The following RARB variants were observed in gnomAD, a reference collection of about 807,000 sequenced individuals.
RARB encodes the protein HBV-activated protein.
RARB carries 17 observed loss-of-function variants against 51.9 expected under a neutral mutation model. The observed-to-expected ratio is 0.33, with a 90% CI of 0.22 to 0.49. The LOEUF (loss-of-function observed/expected upper bound fraction) is 0.49, where lower values mean the gene tolerates loss of function less well. RARB is among the 20% of genes least tolerant of loss of function. The pLI is 0.99. For synonymous variants in RARB, 215 were observed against 195.4 expected (o/e 1.10, Z -0.84); for missense variants, 369 against 550.8 (o/e 0.67, Z 3.30).
At chr3:25,286,608 C>T (rs370146602) in intron 5 of RARB, among the ~76,000 whole-genome samples, 18 of 152,192 alleles carry the variant, frequency 1.2e-4, no homozygotes, top group African/African-American at 4.3e-4. Context: ...GTCTCACCTC[C>T]TTACTCCTCC....
At chr3:25,182,675 G>A (rs1363574593) in intron 5 of RARB, among the ~76,000 whole-genome samples, 2 of 152,104 alleles carry the variant, frequency 1.3e-5, no homozygotes, top group Non-Finnish European at 2.9e-5. Context: ...GTGGTGTCAG[G>A]TTCTATCTCC....
chr3:24,859,560 C>G (rs1702702908), intron 2 of RARB, among the ~76,000 whole-genome samples: 1 of 152,148 alleles, frequency 6.6e-6, no homozygotes, highest in African/African-American at 2.4e-5. Flanking sequence ...GGTAATCTTT[C>G]TGGTTTAGTA....
chr3:25,565,764 T>C (rs1189076824), intron 3 of RARB, among the ~76,000 whole-genome samples: 1 of 152,172 alleles, frequency 6.6e-6, no homozygotes, highest in Non-Finnish European at 1.5e-5. Context: ...GGAAGGGCCT[T>C]ACATTCTTCC....
intron 3 of RARB, among the ~76,000 whole-genome samples, chr3:25,526,817 G>A (rs769955146): frequency 2.0e-5 from 3 of 152,134 alleles, no homozygotes; most frequent in Non-Finnish European, 2.9e-5. Context: ...CCCTTCTTCA[G>A]GTAGATCTTT....
chr3:25,257,258 T>A (rs911903172), intron 5 of RARB, among the ~76,000 whole-genome samples: 1 of 152,118 alleles, frequency 6.6e-6, no homozygotes, highest in Non-Finnish European at 1.5e-5. Context: ...GTGTGCTCCA[T>A]TCCGGGTACC....
At chr3:25,509,299 C>A (rs1467215983) in intron 3 of RARB, among the ~76,000 whole-genome samples, 5 of 152,200 alleles carry the variant, frequency 3.3e-5, no homozygotes, top group Admixed American at 2.0e-4. Context: ...TGGGGTAATG[C>A]ATTTAGCACC....
At chr3:24,874,661 A>G (rs371531572) in intron 2 of RARB, among the ~76,000 whole-genome samples, 4 of 151,410 alleles carry the variant, frequency 2.6e-5, no homozygotes, top group African/African-American at 9.7e-5. Context: ...TCTACTTCCA[A>G]TTTTATTTTG....
intron 2 of RARB, among the ~76,000 whole-genome samples, chr3:25,477,365 T>C (rs1252344829): frequency 6.6e-6 from 1 of 152,190 alleles, no homozygotes; most frequent in African/African-American, 2.4e-5. Flanking sequence ...AGATGGCTTT[T>C]TGGTGTCTGC....
chr3:25,232,368 G>A (rs977350128), intron 5 of RARB, among the ~76,000 whole-genome samples: 12 of 151,914 alleles, frequency 7.9e-5, no homozygotes, highest in Admixed American at 7.2e-4. Context: ...ACCTAATTCT[G>A]AAAGTCATTG....
intron 2 of RARB, among the ~76,000 whole-genome samples, chr3:24,936,800 G>C (rs1285318375): frequency 1.3e-5 from 2 of 152,172 alleles, no homozygotes; most frequent in African/African-American, 4.8e-5. Flanking sequence ...TAGGGCTTTT[G>C]TGTCATTTCC....
At chr3:25,595,433 C>T (rs564920915) in intron 7 of RARB, among the ~76,000 whole-genome samples, 14 of 152,250 alleles carry the variant, frequency 9.2e-5, no homozygotes, top group African/African-American at 3.1e-4. Context: ...AACTCGAGCT[C>T]CTTCTAAGAG....
At chr3:25,114,880 A>T (rs1265725318) in intron 3 of RARB, among the ~76,000 whole-genome samples, 1 of 152,202 alleles carries the variant, frequency 6.6e-6, no homozygotes, top group African/African-American at 2.4e-5. Flanking sequence ...ATATTGTATA[A>T]AATGAAAAGT....
chr3:25,327,897 T>A (rs1466817100), intron 5 of RARB, among the ~76,000 whole-genome samples: 1 of 152,070 alleles, frequency 6.6e-6, no homozygotes, highest in African/African-American at 2.4e-5. Context: ...ATAAGCAAGT[T>A]TAAAAAGAGA....
chr3:25,024,207 C>T (rs2125286452), intron 2 of RARB, among the ~76,000 whole-genome samples: 1 of 152,286 alleles, frequency 6.6e-6, no homozygotes, highest in East Asian at 1.9e-4. Context: ...TTTTTCTTTG[C>T]AGCCCTGAGA....
At chr3:25,524,616 TCCTCCCTCCCTG>T (rs1475328282) in intron 3 of RARB, among the ~76,000 whole-genome samples, 96 of 140,364 alleles carry the variant, frequency 6.8e-4, no homozygotes, top group African/African-American at 2.3e-3. Flanking sequence ...CCCCCTCCCT[TCCTCCCTCCCTG>T]CCTCCCTCCT....
chr3:25,464,731 T>C (rs1380970183), intron 2 of RARB, among the ~76,000 whole-genome samples: 2 of 152,264 alleles, frequency 1.3e-5, no homozygotes, highest in Non-Finnish European at 2.9e-5. Flanking sequence ...TGTATAAAAA[T>C]AGAAAATTAA....
intron 5 of RARB, among the ~76,000 whole-genome samples, chr3:25,281,519 A>C (rs928522109): frequency 6.6e-6 from 1 of 152,184 alleles, no homozygotes; most frequent in Admixed American, 6.5e-5. Context: ...TAATTGAAAG[A>C]GATAGAGAGG....
intron 3 of RARB, among the ~76,000 whole-genome samples, chr3:25,067,618 T>C (rs1698687816): frequency 6.6e-6 from 1 of 152,234 alleles, no homozygotes; most frequent in Admixed American, 6.5e-5. Context: ...TTATCCCTAG[T>C]CCTAGTACCA....
At chr3:25,307,052 C>A (rs1441093573) in intron 5 of RARB, among the ~76,000 whole-genome samples, 1 of 152,116 alleles carries the variant, frequency 6.6e-6, no homozygotes, top group Admixed American at 6.5e-5. Context: ...CTAGAAAACA[C>A]TCATGATACC....
Sources: gnomAD v4.1 joint callset for allele counts (sites outside exome capture counted in the v4.1 genomes callset) on GRCh38, gnomAD v4.1.1 for gene constraint, MANE v1.5 for transcripts, NCBI Gene and HGNC (gene_info 2026-07-23, HGNC 2026-07-21) for gene names.